GALNT12: variants seen among roughly 807,000 people sequenced by gnomAD.
GALNT12 encodes polypeptide N-acetylgalactosaminyltransferase 12.
Under a neutral mutation model 55.5 loss-of-function variants are expected in GALNT12, and 45 were observed. That is an observed-to-expected ratio of 0.81 (90% CI 0.64 to 1.04). The LOEUF is 1.04. GALNT12 is among the 50% of genes least tolerant of loss of function. The probability of loss-of-function intolerance (pLI) is 0.00; values close to 1 mark genes in which losing one functional copy is unlikely to be tolerated. For missense variants in GALNT12, 709 were observed against 754.8 expected, an observed-to-expected ratio of 0.94 and a Z score of 0.71; for synonymous variants, 304 against 312.2, an observed-to-expected ratio of 0.97 and a Z score of 0.28.
At position 98,840,087 on chromosome 9, in the gene GALNT12, A is replaced by G. The variant is rs1588455795; in HGVS notation, c.1298A>G (p.Tyr433Cys). 1 of 1,614,168 alleles carries G rather than the reference A, an allele frequency of 6.2e-7. No homozygotes were observed. Among genetic ancestry groups the G allele is most frequent in the Non-Finnish European group, 8.5e-7 (1 of 1,180,012 alleles). The change falls in exon 7 of 10, where the codon TAT (tyrosine) becomes TGT (cysteine). Residue 433 changes from tyrosine (Y) to cysteine (C), a missense_variant. Physicochemically the swap from Tyr to Cys is radical, Grantham distance 194. Transcript: ENST00000375011. ...TTCAAGTGGTTCTTGGAGACTGTGT[A>G]TCCAGAACTGCATGTGCCTGAGGAC... Reference protein sequence around the residue: ...KDFKWFLETVYPELHVPEDRP... With the variant: ...KDFKWFLETVCPELHVPEDRP...
At chr9:98,821,996 G>A (rs1329403018) in intron 1 of GALNT12, among the ~76,000 whole-genome samples, 1 of 152,226 alleles carries the variant, frequency 6.6e-6, no homozygotes, top group African/African-American at 2.4e-5. Context: ...AGGTGCTCGG[G>A]AAGTTTTTGG....
intron 3 of GALNT12, among the ~76,000 whole-genome samples, chr9:98,830,531 G>A (rs746885395): frequency 9.9e-5 from 15 of 152,204 alleles, no homozygotes; most frequent in South Asian, 2.1e-4. Flanking sequence ...TCCCCTCCTT[G>A]TAAAAATTAG....
At position 98,849,006 on chromosome 9, in the gene GALNT12, G is replaced by A. The variant is rs1836485574; in HGVS notation, c.1660G>A (p.Glu554Lys). The A allele has an allele frequency of 1.9e-6, 3 of 1,614,190 alleles. No homozygotes were observed. Among genetic ancestry groups the A allele is most frequent in the East Asian group, 4.5e-5 (2 of 44,882 alleles). ...SKKCVQAARK[E>K]SSDSFVPLLR... ...GAAATGTGTCCAGGCTGCGAGGAAG[G>A]AGTCGAGTGACAGTTTCGTTCCACT... The change falls in exon 10 of 10, where the codon GAG (glutamate) becomes AAG (lysine). Residue 554 changes from glutamate (E) to lysine (K), a missense_variant. By Grantham distance (56) the Glu-to-Lys change is moderately conservative. Coordinates refer to ENST00000375011, the MANE Select transcript of GALNT12 (RefSeq NM_024642.5).
At chr9:98,810,495 T>C (rs1349726556) in intron 1 of GALNT12, among the ~76,000 whole-genome samples, 2 of 152,106 alleles carry the variant, frequency 1.3e-5, no homozygotes, top group Non-Finnish European at 2.9e-5. Flanking sequence ...AAAATGAAAA[T>C]CCCCAATAAA....
In GALNT12 at chr9:98,831,569, G is replaced by A. The variant is rs181633269; in HGVS notation, c.732-203G>A. 4.1e-3 allele frequency among the ~76,000 whole-genome samples: 622 copies of A among 152,216 alleles called. 12 individuals carry two copies. Among genetic ancestry groups the A allele is most frequent in the Admixed American group, 0.036 (555 of 15,302 alleles). On this transcript the variant is annotated intron_variant, in intron 3 of 9. Coordinates refer to ENST00000375011, the MANE Select transcript of GALNT12 (RefSeq NM_024642.5). ...GGGACTTTTTGTTTTAAAGCCCTCCGTGGCCCCCAGATCTCCCCCATGGTG... is the reference window on the plus strand; with the variant it reads ...GGGACTTTTTGTTTTAAAGCCCTCCATGGCCCCCAGATCTCCCCCATGGTG...
At chr9:98,816,239 A>G (rs986598467) in intron 1 of GALNT12, among the ~76,000 whole-genome samples, 17 of 152,188 alleles carry the variant, frequency 1.1e-4, no homozygotes, top group South Asian at 2.1e-4. Context: ...GAGATCAAAG[A>G]AAAGAGGAAC....
At chr9:98,829,938 A>G (rs989640334) in intron 3 of GALNT12, among the ~76,000 whole-genome samples, 1 of 152,230 alleles carries the variant, frequency 6.6e-6, no homozygotes, top group African/African-American at 2.4e-5. Flanking sequence ...CAAACATGAG[A>G]GTGCAGATAT....
chr9:98,823,297 C>G lies in GALNT12; in HGVS notation c.413C>G (p.Thr138Arg). The G allele has an allele frequency of 3.1e-6, 5 of 1,614,082 alleles. No homozygotes were observed. The highest frequency in any genetic ancestry group is 4.2e-6 in the Non-Finnish European group (5 of 1,179,902). Residue 138 changes from threonine (T) to arginine (R), a missense_variant, in exon 2 of 10, where the codon ACA (threonine) becomes AGA (arginine). Around this residue, in one of 5 missense-constraint regions of GALNT12, gnomAD observed 315 missense variants for 288.6 expected, o/e 1.09. Coordinates refer to ENST00000375011, the MANE Select transcript of GALNT12 (RefSeq NM_024642.5). The stretch of plus-strand genomic sequence containing the variant: ...TATGATTATGATAATTTGCCCAGGA[C>G]ATCTGTTATCATAGCATTTTATAAT... Reference protein sequence around the residue: ...KKYDYDNLPRTSVIIAFYNEA... With the variant: ...KKYDYDNLPRRSVIIAFYNEA...
chr9:98,839,879 T>C, intron 6 of GALNT12, 123 bp from the exon 7 acceptor site: 1 of 1,186,990 alleles, frequency 8.4e-7, no homozygotes, highest in Non-Finnish European at 1.3e-6. Flanking sequence ...ACACAGGGCC[T>C]GGCATGCGAC....
At chr9:98,825,464 G>T (rs939080111) in intron 2 of GALNT12, among the ~76,000 whole-genome samples, 2 of 152,212 alleles carry the variant, frequency 1.3e-5, no homozygotes, top group African/African-American at 4.8e-5. Context: ...CATTTCTGCA[G>T]TGTCAGTGTA....
intron 3 of GALNT12, among the ~76,000 whole-genome samples, chr9:98,829,193 C>G (rs1835935416): frequency 6.7e-6 from 1 of 150,034 alleles, no homozygotes; most frequent in South Asian, 2.1e-4. Flanking sequence ...ATCTATCTAT[C>G]TATCTATCTA....
intron 9 of GALNT12, among the ~76,000 whole-genome samples, chr9:98,847,935 C>T (rs1455120782): frequency 6.6e-6 from 1 of 151,440 alleles, no homozygotes; most frequent in African/African-American, 2.4e-5. Context: ...GTCTCAGTCT[C>T]CTGAGTAGCT....
rs143003341 is a variant in GALNT12 at position 98,828,626 on chromosome 9, T to G, written c.731+1685T>G. Among the ~76,000 whole-genome samples, 286 of 152,376 alleles carry G rather than the reference T, an allele frequency of 1.9e-3. 7 individuals carry two copies. The East Asian group carries it at 0.047, about 25-fold the overall frequency. On this transcript the variant is annotated intron_variant, in intron 3 of 9. Coordinates refer to ENST00000375011, the MANE Select transcript of GALNT12 (RefSeq NM_024642.5). ...TGGAAGAGGGGATTTTCCACCTCGGTTGTCTGTTAGAAATACCTGGGAAAC... is the reference window on the plus strand; with the variant it reads ...TGGAAGAGGGGATTTTCCACCTCGGGTGTCTGTTAGAAATACCTGGGAAAC...
chr9:98,826,372 C>T lies in GALNT12; in HGVS notation c.542-380C>T, dbSNP rs911702005. 3.3e-5 allele frequency among the ~76,000 whole-genome samples: 5 copies of T among 152,164 alleles called. No individual in the cohort carries two copies. In the East Asian group the frequency reaches 7.7e-4, roughly 23 times the overall value. On this transcript the variant is annotated intron_variant, in intron 2 of 9. Coordinates refer to ENST00000375011, the MANE Select transcript of GALNT12 (RefSeq NM_024642.5). ...ATAACTACTGTTTTTATAAAAATTGCGATTAGATGGTTCACGTGTTTTTTG... is the reference window on the plus strand; with the variant it reads ...ATAACTACTGTTTTTATAAAAATTGTGATTAGATGGTTCACGTGTTTTTTG...
At chr9:98,838,589 G>A (rs999341891) in intron 6 of GALNT12, among the ~76,000 whole-genome samples, 3 of 152,218 alleles carry the variant, frequency 2.0e-5, no homozygotes, top group African/African-American at 7.2e-5. Flanking sequence ...CGGGACCATT[G>A]TGGATGAGGG....
intron 6 of GALNT12, among the ~76,000 whole-genome samples, chr9:98,838,277 G>A (rs901311761): frequency 1.6e-4 from 25 of 152,112 alleles, no homozygotes; most frequent in African/African-American, 5.6e-4. Context: ...CTCACCATAT[G>A]TCATGGTCAT....
In GALNT12 at chr9:98,849,383, A is replaced by G. The variant is rs1439061801; in HGVS notation, c.*291A>G. On this transcript the variant is annotated 3_prime_UTR_variant, in exon 10 of 10. Coordinates refer to ENST00000375011, the MANE Select transcript of GALNT12 (RefSeq NM_024642.5). ...AATTAAAACCTTATAATATTTTTCTATCAAGATGTATATTTTACAGTCGTG... is the reference window on the plus strand; with the variant it reads ...AATTAAAACCTTATAATATTTTTCTGTCAAGATGTATATTTTACAGTCGTG... 1.7e-6 allele frequency: 1 copy of G among 571,494 alleles called. No individual in the cohort carries two copies. Among genetic ancestry groups the G allele is most frequent in the Non-Finnish European group, 3.1e-6 (1 of 324,938 alleles). The allele number at this position is 571,494 out of a possible 1,614,324, so 35.4% of individuals were successfully genotyped here.
intron 7 of GALNT12, among the ~76,000 whole-genome samples, chr9:98,840,420 CCAA>C (rs1836260097): frequency 6.6e-6 from 1 of 152,186 alleles, no homozygotes; most frequent in African/African-American, 2.4e-5. Context: ...CTAGTTTTTA[CCAA>C]CGCCTTATCA....
intron 1 of GALNT12, among the ~76,000 whole-genome samples, chr9:98,821,682 C>A (rs1229258979): frequency 2.0e-5 from 3 of 147,722 alleles, no homozygotes; most frequent in Admixed American, 2.0e-4. Flanking sequence ...AAAACAAATA[C>A]TTTTGTATGC....
Sources: allele counts gnomAD v4.1 joint callset (sites outside exome capture counted in the v4.1 genomes callset), GRCh38; gene constraint gnomAD v4.1.1; regional missense constraint gnomAD v4.1.1; transcripts MANE v1.5; gene names NCBI Gene and HGNC (gene_info 2026-07-23, HGNC 2026-07-21).